Variants in LIPA observed in about 807,000 individuals in gnomAD.
LIPA encodes lipase A, lysosomal acid type.
A neutral mutation model predicts 40.6 loss-of-function variants in LIPA; 26 were observed. That is an observed-to-expected ratio of 0.64 (90% CI 0.47 to 0.89). The LOEUF is 0.89. Ranked by LOEUF, LIPA falls within the 40% of genes least tolerant of loss-of-function variation. LIPA has a pLI of 0.00. For synonymous variants in LIPA, 188 were observed against 168.4 expected (o/e 1.12, Z -0.90); for missense variants, 455 against 479.6 (o/e 0.95, Z 0.48).
intron 1 of LIPA, among the ~76,000 whole-genome samples, chr10:89,318,509 C>T (rs1843554225): frequency 6.6e-6 from 1 of 152,184 alleles, no homozygotes. Context: ...ACAAGAAGAG[C>T]TAACTATCCT....
rs969581895 is a variant in LIPA, at chr10:89,408,095, G to C, written c.61+4696C>G. ...ACAAACCAAAACCATGGGTGGTTTT[G>C]TCTTTCAGAAGGAAAACACTCAGGT... On this transcript the variant is annotated intron_variant, in intron 2 of 8. Coordinates refer to the LIPA transcript ENST00000371837. Among the ~76,000 whole-genome samples the C allele has an allele frequency of 6.6e-5, 10 of 152,312 alleles. 1 individual carries two copies. In the South Asian group the frequency reaches 2.1e-3, roughly 32 times the overall value.
chr10:89,278,786 A>C (rs1322290117), intron 1 of LIPA, among the ~76,000 whole-genome samples: 35 of 151,870 alleles, frequency 2.3e-4, no homozygotes, highest in Admixed American at 2.3e-3. Flanking sequence ...TATATTACTT[A>C]CATATGTGTT....
At chr10:89,283,394 A>C (rs560276725) in intron 1 of LIPA, among the ~76,000 whole-genome samples, 6 of 152,222 alleles carry the variant, frequency 3.9e-5, no homozygotes, top group African/African-American at 1.4e-4. Context: ...TCTTTGCTCA[A>C]TTAAACTCTA....
At chr10:89,383,489 C>A in intron 2 of LIPA, 3 of 1,614,192 alleles carry the variant, frequency 1.9e-6, no homozygotes, top group Non-Finnish European at 2.5e-6. Context: ...AACCTACTAG[C>A]CTATGTGAAA....
intron 1 of LIPA, among the ~76,000 whole-genome samples, chr10:89,334,781 G>T (rs11203072): frequency 1.1e-4 from 17 of 151,590 alleles, no homozygotes; most frequent in Non-Finnish European, 2.4e-4. Context: ...GTGAGCCACC[G>T]CGCCCGGCCA....
Position 89,276,891 on chromosome 10 carries a change from T to C in LIPA, c.-1-29242A>G, listed in dbSNP as rs144894187. Among the ~76,000 whole-genome samples the C allele has an allele frequency of 1.6e-3, 244 of 152,294 alleles. 3 individuals carry two copies. The East Asian group carries it at 0.025, about 15-fold the overall frequency. On this transcript the variant is annotated intron_variant, in intron 1 of 5. Transcript: ENST00000282673. ...TGCAACAGAAATACTAAATAATGGC[T>C]AGAGGAGCTAGCGAGTGGCAGGTCT...
intron 8 of LIPA, among the ~76,000 whole-genome samples, chr10:89,221,893 T>A (rs10509569): frequency 0.043 from 6,505 of 151,300 alleles, 193 homozygotes; most frequent in Middle Eastern, 0.085. Context: ...GGTTATAGAA[T>A]GATTTTATTT....
In LIPA at chr10:89,225,202, C is replaced by G. The variant is rs749421449; in HGVS notation, c.565G>C (p.Glu189Gln). Residue 189 changes from glutamate (E) to glutamine (Q), a missense_variant, in exon 6 of 10, where the codon GAG (glutamate) becomes CAG (glutamine). By Grantham distance (29) the Glu-to-Gln change is conservative. Transcript: ENST00000336233. The part of the protein sequence containing the change: ...IGFIAFSQIP[E>Q]LAKRIKMFFA... ...AACATTTTAATCCTTTTAGCCAGCTCAGGGATCTGTGAAAATGCTATAAAA... is the reference window on the plus strand; with the variant it reads ...AACATTTTAATCCTTTTAGCCAGCTGAGGGATCTGTGAAAATGCTATAAAA... 6.2e-7 allele frequency: 1 copy of G among 1,614,128 alleles called. No homozygotes were observed. The highest frequency in any genetic ancestry group is 1.7e-5 in the Admixed American group (1 of 60,028).
chr10:89,313,572 T>G (rs1295557183), intron 1 of LIPA, among the ~76,000 whole-genome samples: 1 of 152,168 alleles, frequency 6.6e-6, no homozygotes, highest in Non-Finnish European at 1.5e-5. Context: ...CATGAAAACA[T>G]AGGTTCACAC....
At chr10:89,385,331 C>T (rs1266419658) in intron 2 of LIPA, 2 of 152,272 alleles carry the variant, frequency 1.3e-5, no homozygotes, top group Admixed American at 6.5e-5. Context: ...TGGCCACCCC[C>T]CTCATTTTTT....
chr10:89,362,057 G>A (rs1589621864), intron 2 of LIPA, among the ~76,000 whole-genome samples: 1 of 151,682 alleles, frequency 6.6e-6, no homozygotes, highest in East Asian at 1.9e-4. Context: ...GTGCCACCAT[G>A]CCCAGATAAA....
At chr10:89,258,324 A>C (rs1018437725) in intron 1 of LIPA, among the ~76,000 whole-genome samples, 3 of 152,180 alleles carry the variant, frequency 2.0e-5, no homozygotes, top group African/African-American at 7.2e-5. Flanking sequence ...AAAATATAGG[A>C]GTTCCTGGAA....
At chr10:89,283,866 T>C (rs1311343369) in intron 1 of LIPA, 1 of 152,268 alleles carries the variant, frequency 6.6e-6, no homozygotes, top group Admixed American at 6.5e-5. Flanking sequence ...AGGACACCAG[T>C]GCAGCGCCCA....
intron 2 of LIPA, chr10:89,362,413 G>A (rs1390261450): frequency 6.3e-6 from 1 of 158,456 alleles, no homozygotes; most frequent in African/African-American, 2.4e-5. Context: ...TCTTGGAAGA[G>A]ATCCAGTTCG....
intron 1 of LIPA, chr10:89,338,914 G>A (rs765900036): frequency 1.1e-5 from 18 of 1,614,022 alleles, no homozygotes; most frequent in Non-Finnish European, 1.4e-5. Context: ...AGAACATGCT[G>A]ACCAAGCAGA....
chr10:89,236,968 T>A lies in LIPA; in HGVS notation c.230-8570A>T, dbSNP rs144607430. Among the ~76,000 whole-genome samples, 3 of 152,286 alleles carry A rather than the reference T, an allele frequency of 2.0e-5. No individual in the cohort carries two copies. The East Asian group carries it at 5.8e-4, about 29-fold the overall frequency. On this transcript the variant is annotated intron_variant, in intron 3 of 9. Coordinates refer to ENST00000336233, the MANE Select transcript of LIPA (RefSeq NM_000235.4). ...ATGCTTTGATAATTTTACAAAGAGG[T>A]TTGGCTTTTAAAATGCCAATATAGA...
At chr10:89,341,165 T>C (rs908971245) in intron 1 of LIPA, among the ~76,000 whole-genome samples, 1 of 152,206 alleles carries the variant, frequency 6.6e-6, no homozygotes, top group African/African-American at 2.4e-5. Flanking sequence ...ACTATGACTG[T>C]CTTTCCAGCC....
At chr10:89,412,525 C>T (rs143675093) in intron 2 of LIPA, 14 of 176,124 alleles carry the variant, frequency 7.9e-5, no homozygotes, top group East Asian at 1.8e-4. Flanking sequence ...CAGCGGCAAC[C>T]TGCTCGGGTC....
At chr10:89,256,476 A>T (rs138221917), upstream of LIPA, among the ~76,000 whole-genome samples, 71 of 152,356 alleles carry the variant, frequency 4.7e-4, 2 homozygotes, top group East Asian at 0.013. Flanking sequence ...GTTGTACTTG[A>T]CATGAACTGA....
Sources: allele counts gnomAD v4.1 joint callset (sites outside exome capture counted in the v4.1 genomes callset), GRCh38; gene constraint gnomAD v4.1.1; transcripts MANE v1.5; gene names NCBI Gene and HGNC (gene_info 2026-07-23, HGNC 2026-07-21).